The following TUBE1 variants were observed in gnomAD, a reference collection of about 807,000 sequenced individuals.
TUBE1 encodes tubulin epsilon 1.
Under a neutral mutation model 53.5 loss-of-function variants are expected in TUBE1, and 34 were observed. The ratio of observed to expected loss-of-function variants is 0.64; its 90% CI spans 0.48 to 0.85. TUBE1 has a LOEUF of 0.85. Among genes scored for constraint, TUBE1 ranks in the 40% least tolerant of loss-of-function variants. The pLI is 0.00. For synonymous variants in TUBE1, 177 were observed against 198.4 expected (o/e 0.89, Z 0.91); for missense variants, 532 against 570.5 (o/e 0.93, Z 0.69).
At chr6:112,086,835 C>T in intron 2 of TUBE1, 1 of 532,452 alleles carries the variant, frequency 1.9e-6, no homozygotes, top group Non-Finnish European at 3.3e-6. Flanking sequence ...AGGATTTCAC[C>T]CATAGGACTG....
At chr6:112,085,075 C>T (rs1290304240) in intron 3 of TUBE1, among the ~76,000 whole-genome samples, 2 of 152,136 alleles carry the variant, frequency 1.3e-5, no homozygotes, top group African/African-American at 4.8e-5. Flanking sequence ...AGTAGTGGTG[C>T]AAAAGACTTT....
At chr6:112,079,532 A>G in intron 6 of TUBE1, 101 bp downstream of exon 6, 2 of 1,234,326 alleles carry the variant, frequency 1.6e-6, no homozygotes, top group South Asian at 1.4e-5. Context: ...GAATAGTTCT[A>G]TCTTTATCAA....
rs770378024 is a variant in TUBE1, at chr6:112,076,072, T to C, written c.677A>G (p.Asn226Ser). 1.2e-6 allele frequency: 2 copies of C among 1,613,400 alleles called. No individual in the cohort carries two copies. The highest frequency in any genetic ancestry group is 1.7e-6 in the Non-Finnish European group (2 of 1,179,746). ...DIISKIDLMV[N>S]SGKLGTTVKP... ...CACAGTTGTACCCAACTTTCCAGAA[T>C]TCACCATGAGGTCGATTTTGCTAAT... is the stretch of plus-strand genomic sequence containing the variant. The change falls in exon 8 of 12, where the codon AAT (asparagine) becomes AGT (serine). Residue 226 changes from asparagine to serine, a missense_variant. Physicochemically the swap from Asn to Ser is conservative, Grantham distance 46 (BLOSUM62 1). Coordinates refer to ENST00000368662, the MANE Select transcript of TUBE1 (RefSeq NM_016262.5).
At chr6:112,072,138 T>A (rs1583591121) in intron 10 of TUBE1, 62 bp from the exon 11 acceptor site, 1 of 1,256,632 alleles carries the variant, frequency 8.0e-7, no homozygotes, top group Non-Finnish European at 1.1e-6. Context: ...GTCTGCCATA[T>A]AATGGCAGCT....
rs782488978 is a variant in TUBE1 at position 112,071,914 on chromosome 6, G to C, written c.1257C>G (p.Leu419=). 6 of 1,598,066 alleles carry C rather than the reference G, an allele frequency of 3.8e-6. No homozygotes were observed. The African/African-American group carries it at 4.1e-5, about 11-fold the overall frequency. Residue 419 remains leucine, a synonymous_variant, in exon 11 of 12, where the codon CTC becomes CTG. Coordinates refer to ENST00000368662, the MANE Select transcript of TUBE1 (RefSeq NM_016262.5). The stretch of plus-strand genomic sequence containing the variant: ...GTACAATAATTACCTTTTTCTTGTA[G>C]AGCCTCATGAATCTCTCTTTCAGTT... The part of the protein sequence containing the change: ...FMELKERFMR[L]YKKKAHLHHY...
intron 10 of TUBE1, 142 bp downstream of exon 10, chr6:112,072,616 C>G: frequency 1.4e-6 from 1 of 725,402 alleles, no homozygotes; most frequent in Non-Finnish European, 2.1e-6. Context: ...GAAAACAAGG[C>G]ACAAAGAGAC....
Position 112,087,398 on chromosome 6 carries a change from G to A in TUBE1, c.25+12C>T. On this transcript the variant is annotated intron_variant, in intron 1 of 11. Transcript: ENST00000368662. The stretch of plus-strand genomic sequence containing the variant: ...GCGGCGACCAGGTCTCTACCCGCCC[G>A]GCGTAGCTTACCCTGTACGACCACC... The A allele has an allele frequency of 1.3e-6, 2 of 1,551,480 alleles. No homozygotes were observed. Among genetic ancestry groups the A allele is most frequent in the Non-Finnish European group, 1.7e-6 (2 of 1,146,926 alleles).
chr6:112,074,102 C>T (rs904218280), intron 9 of TUBE1, among the ~76,000 whole-genome samples: 1 of 152,144 alleles, frequency 6.6e-6, no homozygotes, highest in Non-Finnish European at 1.5e-5. Context: ...GGACTTTTTC[C>T]CTCAGTCAAC....
At chr6:112,084,940 G>T (rs1212517188) in intron 3 of TUBE1, among the ~76,000 whole-genome samples, 1 of 152,216 alleles carries the variant, frequency 6.6e-6, no homozygotes, top group African/African-American at 2.4e-5. Context: ...CGGAATATAT[G>T]AAGGGTAGCC....
At chr6:112,074,162 A>G (rs1432683091) in intron 9 of TUBE1, among the ~76,000 whole-genome samples, 3 of 152,248 alleles carry the variant, frequency 2.0e-5, no homozygotes, top group Admixed American at 6.5e-5. Flanking sequence ...ATACATGCTA[A>G]GAGTATCTTT....
chr6:112,074,263 C>G lies in TUBE1; in HGVS notation c.953+447G>C, dbSNP rs111886692. On this transcript the variant is annotated intron_variant, in intron 9 of 11. Coordinates refer to ENST00000368662, the MANE Select transcript of TUBE1 (RefSeq NM_016262.5). ...AAAGCAAGGTGTTCTGGAAAACATACAGAGTTACATCTGAAATTCTTCTAT... is the reference window on the plus strand; with the variant it reads ...AAAGCAAGGTGTTCTGGAAAACATAGAGAGTTACATCTGAAATTCTTCTAT... Among the ~76,000 whole-genome samples, 308 of 151,762 alleles carry G rather than the reference C, an allele frequency of 2.0e-3. 1 individual carries two copies. Among genetic ancestry groups the G allele is most frequent in the African/African-American group, 7.3e-3 (298 of 41,066 alleles).
At chr6:112,081,011 C>T (rs1777060953) in intron 5 of TUBE1, 81 bp downstream of exon 5, 13 of 875,012 alleles carry the variant, frequency 1.5e-5, no homozygotes, top group Non-Finnish European at 2.2e-5. Flanking sequence ...CATCCTGTTT[C>T]GTATCAGCAG....
chr6:112,079,434 AAAG>A, intron 6 of TUBE1, 196 bp downstream of exon 6: 8 of 426,740 alleles, frequency 1.9e-5, no homozygotes, highest in Non-Finnish European at 3.2e-5. Context: ...AAAAAAAAAA[AAAG>A]AAAAGAAAAG....
intron 4 of TUBE1, among the ~76,000 whole-genome samples, chr6:112,081,619 A>C (rs1554316761): frequency 6.6e-6 from 1 of 152,064 alleles, no homozygotes; most frequent in Non-Finnish European, 1.5e-5. Context: ...GTCCAACTCA[A>C]ATGAGTAAAT....
At chr6:112,074,895 T>G in intron 8 of TUBE1, 45 bp from the exon 9 acceptor site, 1 of 1,375,206 alleles carries the variant, frequency 7.3e-7, no homozygotes, top group African/African-American at 1.5e-5. Context: ...ATTTTAAAAT[T>G]ATACACTTTA....
At position 112,074,609 on chromosome 6, in the gene TUBE1, A is replaced by G. The variant is rs1176159679; in HGVS notation, c.953+101T>C. On this transcript the variant is annotated intron_variant, in intron 9 of 11. Transcript: ENST00000368662. The stretch of plus-strand genomic sequence containing the variant: ...GTCATCAACTCTCACAGATAAGATG[A>G]TACAATTAAATAACTAGAGTTATTG... 12 of 819,090 alleles carry G rather than the reference A, an allele frequency of 1.5e-5. No homozygotes were observed. In the Admixed American group the frequency reaches 4.0e-4, roughly 27 times the overall value. 50.7% of individuals were successfully genotyped at this position (819,090 alleles called of 1,614,324 possible).
chr6:112,072,854 A>C lies in TUBE1; in HGVS notation c.998T>G (p.Leu333Arg). ...FSDAFSKDHQ[L>R]LRADPKHSLY... ...ACTGTGTTTGGGGTCTGCCCGAAGC[A>C]GCTGGTGATCTTTACTAAAGGCATC... Residue 333 changes from leucine (L) to arginine (R), a missense_variant, in exon 10 of 12, where the codon CTG becomes CGG. Coordinates refer to ENST00000368662, the MANE Select transcript of TUBE1 (RefSeq NM_016262.5). The C allele has an allele frequency of 6.2e-7, 1 of 1,613,632 alleles. No individual in the cohort carries two copies. The highest frequency in any genetic ancestry group is 8.5e-7 in the Non-Finnish European group (1 of 1,179,732).
At position 112,071,357 on chromosome 6, in the gene TUBE1, G is replaced by T; in HGVS notation, c.*55C>A. 7.1e-7 allele frequency: 1 copy of T among 1,403,770 alleles called. No homozygotes were observed. The highest frequency in any genetic ancestry group is 9.4e-7 in the Non-Finnish European group (1 of 1,061,676). 87.0% of individuals were successfully genotyped at this position (1,403,770 alleles called of 1,614,324 possible). A position where few individuals can be genotyped will look rare whatever the true frequency, so the allele number is the denominator to read the frequency against. On this transcript the variant is annotated 3_prime_UTR_variant, in exon 12 of 12. Coordinates refer to ENST00000368662, the MANE Select transcript of TUBE1 (RefSeq NM_016262.5). ...TCCAAATTACAAAAATGTTGAAACAGAAAGGTCAGAAAAAACAATGTGAAA... is the reference window on the plus strand; with the variant it reads ...TCCAAATTACAAAAATGTTGAAACATAAAGGTCAGAAAAAACAATGTGAAA...
chr6:112,081,045 C>T, intron 5 of TUBE1, 47 bp downstream of exon 5: 1 of 1,194,266 alleles, frequency 8.4e-7, no homozygotes, highest in Non-Finnish European at 1.2e-6. Context: ...AGAAAGATTG[C>T]TCATTTTTTT....
Sources: gnomAD v4.1 joint callset for allele counts (sites outside exome capture counted in the v4.1 genomes callset) on GRCh38, gnomAD v4.1.1 for gene constraint, MANE v1.5 for transcripts, NCBI Gene and HGNC (gene_info 2026-07-23, HGNC 2026-07-21) for gene names.